DPP6: variants seen among roughly 807,000 people sequenced by gnomAD.
DPP6 encodes A-type potassium channel modulatory protein DPP6.
Under a neutral mutation model 122.6 loss-of-function variants are expected in DPP6, and 69 were observed. The observed-to-expected ratio is 0.56, with a 90% CI of 0.46 to 0.69. DPP6 has a LOEUF of 0.69. Among genes scored for constraint, DPP6 ranks in the 30% least tolerant of loss-of-function variants. The pLI, the probability that DPP6 is intolerant of heterozygous loss-of-function variation, is 0.00. For synonymous variants in DPP6, 418 were observed against 433.1 expected (o/e 0.97, Z 0.43); for missense variants, 928 against 1,116.9 (o/e 0.83, Z 2.41).
intron 10 of DPP6, among the ~76,000 whole-genome samples, chr7:154,792,543 A>G (rs1212742127): frequency 6.6e-6 from 1 of 152,258 alleles, no homozygotes; most frequent in Non-Finnish European, 1.5e-5. Context: ...ACAGCAAAGC[A>G]GGACCTTTGT....
At chr7:153,840,548 T>C in the DPP6 span, among the ~76,000 whole-genome samples, 1 of 152,130 alleles carries the variant, frequency 6.6e-6, no homozygotes, top group South Asian at 2.1e-4. Flanking sequence ...TTAATACTTA[T>C]TCACTAAATC....
chr7:154,223,342 A>G (rs543781946), intron 1 of DPP6, among the ~76,000 whole-genome samples: 2 of 149,662 alleles, frequency 1.3e-5, no homozygotes, highest in Non-Finnish European at 2.9e-5. Context: ...TTCTTTAAGC[A>G]TCCATTGAGT....
At chr7:153,945,900 G>A (rs1438590815) in intron 1 of DPP6, among the ~76,000 whole-genome samples, 1 of 152,136 alleles carries the variant, frequency 6.6e-6, no homozygotes, top group Non-Finnish European at 1.5e-5. Flanking sequence ...CGTAGAACAC[G>A]ATTGATTTTC....
chr7:154,353,419 G>A (rs760505753), intron 1 of DPP6, among the ~76,000 whole-genome samples: 63 of 152,198 alleles, frequency 4.1e-4, no homozygotes, highest in Non-Finnish European at 2.4e-4. Context: ...AAGTGGGAGG[G>A]CATTTGGAAA....
At chr7:154,067,526 C>G (rs1254980986) in intron 1 of DPP6, among the ~76,000 whole-genome samples, 1 of 152,068 alleles carries the variant, frequency 6.6e-6, no homozygotes, top group African/African-American at 2.4e-5. Flanking sequence ...GAGACTCGTG[C>G]ATGTGGGGCA....
intron 1 of DPP6, among the ~76,000 whole-genome samples, chr7:154,111,127 G>A (rs1585399037): frequency 6.6e-6 from 1 of 152,104 alleles, no homozygotes; most frequent in Non-Finnish European, 1.5e-5. Context: ...AAGTACCATG[G>A]GCTGTGCTTG....
At position 154,782,937 on chromosome 7, in the gene DPP6, C is replaced by T. The variant is rs151070866; in HGVS notation, c.1136+9995C>T. On this transcript the variant is annotated intron_variant, in intron 10 of 25. Transcript: ENST00000377770. ...TAGCTGGGATTATAGGCAACTGCCA[C>T]TAGGCCTGGCTAATTTTTGTATATT... 8.6e-3 allele frequency among the ~76,000 whole-genome samples: 1,315 copies of T among 152,196 alleles called. 17 individuals are homozygous for T. Among genetic ancestry groups the T allele is most frequent in the Non-Finnish European group, 0.015 (1,001 of 68,014 alleles).
At chr7:154,888,514 A>G (rs1806347364) in intron 23 of DPP6, among the ~76,000 whole-genome samples, 2 of 152,180 alleles carry the variant, frequency 1.3e-5, no homozygotes. Flanking sequence ...GGGAGGCCAG[A>G]GCTCCTGGCC....
At chr7:154,212,436 AATTAAC>A (rs1431650239) in intron 1 of DPP6, among the ~76,000 whole-genome samples, 2 of 152,298 alleles carry the variant, frequency 1.3e-5, no homozygotes, top group Admixed American at 6.5e-5. Context: ...TGCCTTAAAT[AATTAAC>A]ATTGAGAATT....
intron 4 of DPP6, among the ~76,000 whole-genome samples, chr7:154,560,505 AT>A (rs1830352649): frequency 6.6e-6 from 1 of 152,154 alleles, no homozygotes; most frequent in South Asian, 2.1e-4. Flanking sequence ...CTCCTGGAGG[AT>A]TTTATATTTT....
chr7:154,113,002 C>G (rs1028545487), intron 1 of DPP6, among the ~76,000 whole-genome samples: 5 of 152,192 alleles, frequency 3.3e-5, no homozygotes, highest in African/African-American at 1.2e-4. Flanking sequence ...GTTCATTTCA[C>G]TTACCATAAC....
rs368684179 is a variant in DPP6, at chr7:153,887,748, A to T, written c.51+14A>T. 2.8e-5 allele frequency: 45 copies of T among 1,612,782 alleles called. No individual in the cohort carries two copies. In the South Asian group the frequency reaches 4.4e-4, roughly 16 times the overall value. On this transcript the variant is annotated intron_variant, in intron 1 of 25. Transcript: ENST00000404039. ...GGGAACGTGATGGTGAGTGCCACGG[A>T]CAGGGCGCGCGCTGGGTCGGGGGGA...
At chr7:154,752,946 C>A (rs1325087828) in intron 8 of DPP6, among the ~76,000 whole-genome samples, 1 of 152,118 alleles carries the variant, frequency 6.6e-6, no homozygotes, top group Non-Finnish European at 1.5e-5. Context: ...TTATTGAGCA[C>A]CTGCTGTGTG....
Position 154,751,306 on chromosome 7 carries a change from G to A in DPP6, c.884-18111G>A, listed in dbSNP as rs113761108. ...TTAGGAAAACAGGCCGATATCTATC[G>A]ATAAGGAAAACTGGCCGGCACGATG... On this transcript the variant is annotated intron_variant, in intron 8 of 25. Coordinates refer to ENST00000377770, the MANE Select transcript of DPP6 (RefSeq NM_130797.4). Among the ~76,000 whole-genome samples, 604 of 152,096 alleles carry A rather than the reference G, an allele frequency of 4.0e-3. 4 individuals are homozygous for A. The highest frequency in any genetic ancestry group is 0.014 in the African/African-American group (578 of 41,484).
At chr7:154,561,492 T>C (rs1161159480) in intron 4 of DPP6, among the ~76,000 whole-genome samples, 1 of 152,244 alleles carries the variant, frequency 6.6e-6, no homozygotes, top group East Asian at 1.9e-4. Context: ...TATTTCTAAA[T>C]AACAAATCAG....
At chr7:153,970,382 A>C (rs1450942494) in intron 1 of DPP6, among the ~76,000 whole-genome samples, 1 of 152,170 alleles carries the variant, frequency 6.6e-6, no homozygotes, top group Non-Finnish European at 1.5e-5. Flanking sequence ...TAAGATCTCT[A>C]AATATATACT....
chr7:154,085,203 T>C (rs1043596647), intron 1 of DPP6, among the ~76,000 whole-genome samples: 3 of 152,216 alleles, frequency 2.0e-5, no homozygotes, highest in Admixed American at 1.3e-4. Flanking sequence ...TGGGCTGATA[T>C]AGTTTCTCCA....
chr7:154,289,288 GT>G (rs1313833029), intron 1 of DPP6, among the ~76,000 whole-genome samples: 1 of 152,188 alleles, frequency 6.6e-6, no homozygotes, highest in East Asian at 1.9e-4. Flanking sequence ...CCAGGGTTGC[GT>G]GGGATCCTTT....
Position 153,993,914 on chromosome 7 carries a change from C to CT in DPP6, c.51+106181dup, listed in dbSNP as rs1311424969. On this transcript the variant is annotated intron_variant, in intron 1 of 25. Coordinates refer to the DPP6 transcript ENST00000404039. ...GCCAATCTTGGCTAAGGTGCCAACTCTAACGATTCTAGAAGCTGTTGGTTA... is the reference window on the plus strand; with the variant it reads ...GCCAATCTTGGCTAAGGTGCCAACTCTTAACGATTCTAGAAGCTGTTGGTTA... 3.3e-5 allele frequency among the ~76,000 whole-genome samples: 5 copies of CT among 152,220 alleles called. No homozygotes were observed. The South Asian group carries it at 8.3e-4, about 25-fold the overall frequency.
Sources: allele counts gnomAD v4.1 joint callset (sites outside exome capture counted in the v4.1 genomes callset), GRCh38; gene constraint gnomAD v4.1.1; transcripts MANE v1.5; gene names NCBI Gene and HGNC (gene_info 2026-07-23, HGNC 2026-07-21).